Variants in LRRC41 observed in about 807,000 individuals in gnomAD.
The protein encoded by LRRC41 is leucine-rich repeat-containing protein 41.
In LRRC41, 17 loss-of-function variants were observed where a neutral mutation model predicts 72.1. That is an observed-to-expected ratio of 0.24 (90% confidence interval 0.16 to 0.35). LRRC41 has a LOEUF of 0.35. Among genes scored for constraint, LRRC41 ranks in the 10% least tolerant of loss-of-function variants. LRRC41 has a pLI of 1.00. For missense variants in LRRC41, 759 were observed against 1,065.0 expected (o/e 0.71, Z 4.00); for synonymous variants, 427 against 431.0 (o/e 0.99, Z 0.11).
At chr1:46,290,916 G>GTT (rs71062750) in intron 3 of LRRC41, among the ~76,000 whole-genome samples, 17,903 of 65,058 alleles carry the variant, frequency 0.28, 3,777 homozygotes, top group East Asian at 0.39. Context: ...CCTGTTTCTA[G>GTT]TTTTTTTTTT....
Position 46,285,754 on chromosome 1 carries a change from G to A in LRRC41, c.1103C>T (p.Ser368Phe). The A allele has an allele frequency of 6.2e-7, 1 of 1,600,306 alleles. No individual in the cohort carries two copies. Among genetic ancestry groups the A allele is most frequent in the Non-Finnish European group, 8.5e-7 (1 of 1,173,238 alleles). ...PSAPAATSSA[S>F]SSTSSYKRAP... ...CCGTTTGTATGAGGATGTAGAAGAA[G>A]AGGCAGAGGAGGTGGCTGCTGGAGC... Residue 368 changes from serine (S) to phenylalanine (F), a missense_variant, in exon 4 of 10, where the codon TCT becomes TTT. Ser to Phe is a radical substitution (Grantham distance 155). Around this residue, in one of 4 missense-constraint regions of LRRC41, gnomAD observed 427 missense variants for 520.9 expected, o/e 0.82. Transcript: ENST00000617190. This position sits in a 1 kb window ranked among gnomAD's most constrained non-coding sequence, Gnocchi z 5.3.
In LRRC41 at chr1:46,286,043, C is replaced by T. The variant is rs757963736; in HGVS notation, c.814G>A (p.Gly272Ser). Residue 272 changes from glycine (G) to serine (S), a missense_variant, in exon 4 of 10, where the codon GGC becomes AGC. Physicochemically the swap from Gly to Ser is moderately conservative, Grantham distance 56. This residue lies in a region of LRRC41 where 427 missense variants were observed against 520.9 expected (regional missense o/e 0.82). Transcript: ENST00000617190. This position sits in a 1 kb window ranked among gnomAD's most constrained non-coding sequence, Gnocchi z 5.5. Reference sequence around the variant, plus strand: ...CCTTCATCTCGGGATGGGGCCCGGCCTCGGGAGGCCTCTCCACAGAGGCGG... The same window carrying T: ...CCTTCATCTCGGGATGGGGCCCGGCTTCGGGAGGCCTCTCCACAGAGGCGG... ...PCRLCGEASR[G>S]RAPSRDEGSL... 7 of 1,594,880 alleles carry T rather than the reference C, an allele frequency of 4.4e-6. No individual in the cohort carries two copies. The South Asian group carries it at 5.6e-5, about 13-fold the overall frequency.
chr1:46,289,595 T>C (rs1000468251), intron 3 of LRRC41, among the ~76,000 whole-genome samples: 5 of 151,932 alleles, frequency 3.3e-5, no homozygotes, highest in Non-Finnish European at 5.9e-5. Context: ...ACCCTGTCTC[T>C]ACTAAAATAC....
At chr1:46,297,442 C>T in intron 3 of LRRC41, 121 bp downstream of exon 3, 1 of 728,694 alleles carries the variant, frequency 1.4e-6, no homozygotes, top group South Asian at 1.8e-5. Flanking sequence ...TCAGAGCCCT[C>T]CTCCCAAATC....
intron 3 of LRRC41, among the ~76,000 whole-genome samples, chr1:46,292,183 G>A (rs1011494978): frequency 1.3e-5 from 2 of 151,278 alleles, no homozygotes; most frequent in Non-Finnish European, 2.9e-5. Context: ...GCTGATGGGC[G>A]CCTGTAATCT....
chr1:46,285,867 G>T lies in LRRC41; in HGVS notation c.990C>A (p.Ser330Arg). 20 of 1,580,844 alleles carry T rather than the reference G, an allele frequency of 1.3e-5. No homozygotes were observed. The highest frequency in any genetic ancestry group is 1.7e-5 in the Non-Finnish European group (20 of 1,165,374). ...TRVTRRSTQE[S>R]LTAGGTDLKR... Reference sequence around the variant, plus strand: ...TAAGGTCTGTTCCGCCTGCTGTCAGGCTCTCCTGTGTGCTCCGGCGTGTTA... The same window carrying T: ...TAAGGTCTGTTCCGCCTGCTGTCAGTCTCTCCTGTGTGCTCCGGCGTGTTA... The change falls in exon 4 of 10, where the codon AGC becomes AGA. Residue 330 changes from serine (S) to arginine (R), a missense_variant. Transcript: ENST00000617190. The surrounding 1 kb of genome is among the most constrained non-coding windows in gnomAD (Gnocchi z 5.3).
chr1:46,286,423 G>A lies in LRRC41; in HGVS notation c.434C>T (p.Ser145Phe). The A allele has an allele frequency of 6.2e-7, 1 of 1,614,230 alleles. No homozygotes were observed. Among genetic ancestry groups the A allele is most frequent in the Admixed American group, 1.7e-5 (1 of 60,024 alleles). Residue 145 changes from serine (S) to phenylalanine (F), a missense_variant, in exon 4 of 10, where the codon TCT (serine) becomes TTT (phenylalanine). Physicochemically the swap from Ser to Phe is radical, Grantham distance 155 (BLOSUM62 -2). Coordinates refer to ENST00000617190, the MANE Select transcript of LRRC41 (RefSeq NM_006369.5). This position sits in a 1 kb window ranked among gnomAD's most constrained non-coding sequence, Gnocchi z 5.5. ...CCGCTGATCACAAAGACGCCTGTCA[G>A]AAGACACATCAATGGTCCCACGTAG... ...HVLRGTIDVSSDRRLCDQRFS... is the reference protein window; with the variant it reads ...HVLRGTIDVSFDRRLCDQRFS...
rs1487840716 is a variant in LRRC41, at chr1:46,278,111, G to A, written c.*754C>T. On this transcript the variant is annotated 3_prime_UTR_variant, in exon 10 of 10. Transcript: ENST00000617190. ...GTTGTGTCAACAGCCGTCAGATCCG[G>A]CCACCCCCTGATGGTTCTGACTGCA... is the stretch of plus-strand genomic sequence containing the variant. 6.2e-7 allele frequency: 1 copy of A among 1,613,820 alleles called. No individual in the cohort carries two copies. The highest frequency in any genetic ancestry group is 2.2e-5 in the East Asian group (1 of 44,892).
Position 46,278,622 on chromosome 1 carries a change from C to G in LRRC41, c.*243G>C, listed in dbSNP as rs1211765304. ...CAATTATGATGACCACTGTAACCTC[C>G]TGGCCCAGGGTTCCCAGGATACTGA... On this transcript the variant is annotated 3_prime_UTR_variant, in exon 10 of 10. Transcript: ENST00000617190. 1 of 607,942 alleles carries G rather than the reference C, an allele frequency of 1.6e-6. No individual in the cohort carries two copies. Among genetic ancestry groups the G allele is most frequent in the African/African-American group, 1.9e-5 (1 of 53,984 alleles). 37.7% of individuals were successfully genotyped at this position (607,942 alleles called of 1,614,324 possible). A position where few individuals can be genotyped will look rare whatever the true frequency, so the allele number is the denominator to read the frequency against.
chr1:46,286,551 C>A lies in LRRC41; in HGVS notation c.358-52G>T. 6.6e-7 allele frequency: 1 copy of A among 1,506,404 alleles called. No individual in the cohort carries two copies. Among genetic ancestry groups the A allele is most frequent in the South Asian group, 1.3e-5 (1 of 76,000 alleles). The allele number at this position is 1,506,404 out of a possible 1,614,324, so 93.3% of individuals were successfully genotyped here. On this transcript the variant is annotated intron_variant, in intron 3 of 9. Coordinates refer to ENST00000617190, the MANE Select transcript of LRRC41 (RefSeq NM_006369.5). This position sits in a 1 kb window ranked among gnomAD's most constrained non-coding sequence, Gnocchi z 5.5. ...GCCATGATATATCCATGAAACTGTC[C>A]AAATTTCCCTCTCTTCCAATAGCAC...
chr1:46,278,304 G>T lies in LRRC41; in HGVS notation c.*561C>A. ...CTGATAACCAGCTGGTCTGGGTGTA[G>T]CTCTTAGAGGAAGGAGATAGGGAAA... On this transcript the variant is annotated 3_prime_UTR_variant, in exon 10 of 10. Transcript: ENST00000617190. 1 of 1,595,600 alleles carries T rather than the reference G, an allele frequency of 6.3e-7. No homozygotes were observed. The highest frequency in any genetic ancestry group is 8.5e-7 in the Non-Finnish European group (1 of 1,170,468).
At position 46,285,625 on chromosome 1, in the gene LRRC41, T is replaced by C. The variant is rs764000549; in HGVS notation, c.1232A>G (p.Glu411Gly). 1.2e-6 allele frequency: 2 copies of C among 1,614,156 alleles called. No homozygotes were observed. Among genetic ancestry groups the C allele is most frequent in the Admixed American group, 1.7e-5 (1 of 59,992 alleles). ...RTRQGPGAESEDLYDFVFIVA... is the reference protein window; with the variant it reads ...RTRQGPGAESGDLYDFVFIVA... Reference sequence around the variant, plus strand: ...AATAAAAACGAAGTCATACAGGTCTTCAGACTCTGCACCAGGCCCCTGACG... The same window carrying C: ...AATAAAAACGAAGTCATACAGGTCTCCAGACTCTGCACCAGGCCCCTGACG... The change falls in exon 4 of 10, where the codon GAA becomes GGA. Residue 411 changes from glutamate (E) to glycine (G), a missense_variant. Transcript: ENST00000617190. This position sits in a 1 kb window ranked among gnomAD's most constrained non-coding sequence, Gnocchi z 5.3.
Position 46,298,390 on chromosome 1 carries a change from A to C in LRRC41, c.200-20T>G, listed in dbSNP as rs764096655. On this transcript the variant is annotated intron_variant, in intron 1 of 9. Coordinates refer to ENST00000617190, the MANE Select transcript of LRRC41 (RefSeq NM_006369.5). ...GGAGGGCTACAAAAATCAAAACAAA[A>C]GTTTACTTTTCCTCCCCTCCCCCTC... 4 of 1,556,270 alleles carry C rather than the reference A, an allele frequency of 2.6e-6. No individual in the cohort carries two copies. The African/African-American group carries it at 5.4e-5, about 21-fold the overall frequency.
chr1:46,287,177 C>T (rs370009087), intron 3 of LRRC41, among the ~76,000 whole-genome samples: 4 of 152,004 alleles, frequency 2.6e-5, no homozygotes, highest in Admixed American at 6.6e-5. Context: ...GGCGTGATCT[C>T]GGCACACTGC....
rs377420851 is a variant in LRRC41, at chr1:46,294,852, C to T, written c.357+2711G>A. 3.3e-5 allele frequency among the ~76,000 whole-genome samples: 5 copies of T among 152,110 alleles called. No individual in the cohort carries two copies. The South Asian group carries it at 8.3e-4, about 25-fold the overall frequency. ...TCGTGATCCACCCGCGTTGGCCTCT[C>T]AAAGTGCTGGCATTATAGGTGTGAG... On this transcript the variant is annotated intron_variant, in intron 3 of 9. Transcript: ENST00000617190.
chr1:46,282,111 A>G (rs552971559), intron 4 of LRRC41, among the ~76,000 whole-genome samples: 2 of 152,118 alleles, frequency 1.3e-5, no homozygotes, highest in African/African-American at 4.8e-5. Flanking sequence ...AGGAGAGTGC[A>G]AGGCATGAAT....
intron 3 of LRRC41, among the ~76,000 whole-genome samples, chr1:46,295,464 C>A (rs1216572047): frequency 6.6e-6 from 1 of 152,206 alleles, no homozygotes; most frequent in Non-Finnish European, 1.5e-5. Flanking sequence ...TGGAACCTAG[C>A]ATAATGCATG....
At chr1:46,296,152 C>T (rs1488246611) in intron 3 of LRRC41, among the ~76,000 whole-genome samples, 1 of 152,196 alleles carries the variant, frequency 6.6e-6, no homozygotes, top group African/African-American at 2.4e-5. Flanking sequence ...AGGTGGCTCA[C>T]GCCTGTAATC....
At position 46,277,945 on chromosome 1, in the gene LRRC41, C is replaced by T; in HGVS notation, c.*920G>A. ...TGGGCGAGTTGAAGGAGCTGTTTAT[C>T]CTGGATGAAGCTAGCCTCAGTGACA... On this transcript the variant is annotated 3_prime_UTR_variant, in exon 10 of 10. Coordinates refer to ENST00000617190, the MANE Select transcript of LRRC41 (RefSeq NM_006369.5). The T allele has an allele frequency of 1.2e-6, 2 of 1,614,108 alleles. No individual in the cohort carries two copies. Among genetic ancestry groups the T allele is most frequent in the Non-Finnish European group, 1.7e-6 (2 of 1,180,046 alleles).
Sources: allele counts gnomAD v4.1 joint callset (sites outside exome capture counted in the v4.1 genomes callset), GRCh38; gene constraint gnomAD v4.1.1; regional missense constraint gnomAD v4.1.1; non-coding constraint Gnocchi (gnomAD v3.1); transcripts MANE v1.5; gene names NCBI Gene and HGNC (gene_info 2026-07-23, HGNC 2026-07-21).